Variants in TDP1 observed in about 807,000 individuals in gnomAD.
The protein encoded by TDP1 is tyr-DNA phosphodiesterase 1.
Under a neutral mutation model 81.5 loss-of-function variants are expected in TDP1, and 64 were observed. The ratio of observed to expected loss-of-function variants is 0.79; its 90% CI spans 0.64 to 0.97. The LOEUF is 0.97. TDP1 is among the 50% of genes least tolerant of loss of function. The probability of loss-of-function intolerance (pLI) is 0.00; values close to 1 mark genes in which losing one functional copy is unlikely to be tolerated. For missense variants in TDP1, 723 were observed against 743.8 expected, an observed-to-expected ratio of 0.97 and a Z score of 0.33; for synonymous variants, 256 against 264.3, an observed-to-expected ratio of 0.97 and a Z score of 0.30.
Position 89,966,171 on chromosome 14 carries a change from C to T in TDP1, c.584C>T (p.Thr195Met), listed in dbSNP as rs760365706. 12 of 1,606,326 alleles carry T rather than the reference C, an allele frequency of 7.5e-6. No homozygotes were observed. The highest frequency in any genetic ancestry group is 2.2e-5 in the South Asian group (2 of 90,936). The change falls in exon 4 of 17, where the codon ACG (threonine) becomes ATG (methionine). Residue 195 changes from threonine to methionine, a missense_variant. Transcript: ENST00000335725. ...IKDILSPLFG[T>M]LVSSAQFNYC... ...GATATTTTATCTCCTTTATTTGGGA[C>T]GCTTGTTTCTTCAGCTCAGGTGAGT... is the stretch of plus-strand genomic sequence containing the variant.
intron 14 of TDP1, among the ~76,000 whole-genome samples, chr14:89,999,936 T>C (rs1897044193): frequency 6.6e-6 from 1 of 152,210 alleles, no homozygotes; most frequent in Admixed American, 6.5e-5. Flanking sequence ...AATACAAATT[T>C]ACTATCTCAT....
At chr14:90,003,377 C>T (rs918951321) in intron 14 of TDP1, among the ~76,000 whole-genome samples, 1 of 152,136 alleles carries the variant, frequency 6.6e-6, no homozygotes, top group East Asian at 1.9e-4. Flanking sequence ...TGGCGATTTC[C>T]TCTTTTGATT....
intron 7 of TDP1, among the ~76,000 whole-genome samples, chr14:89,976,251 A>G (rs35853694): frequency 0.095 from 14,411 of 151,414 alleles, 1,755 homozygotes; most frequent in African/African-American, 0.28. Context: ...GACTACAGGC[A>G]CACGCCACCA....
In TDP1 at chr14:89,989,225, G is replaced by T. The variant is rs921729216; in HGVS notation, c.1317+135G>T. ...TTTTTTTTTGGCGTGGCGGGGGCGGGGTGCGGAAAGAGCAGTACATTAGCA... is the reference window on the plus strand; with the variant it reads ...TTTTTTTTTGGCGTGGCGGGGGCGGTGTGCGGAAAGAGCAGTACATTAGCA... On this transcript the variant is annotated intron_variant, in intron 11 of 16. Transcript: ENST00000335725. 7.9e-6 allele frequency: 11 copies of T among 1,398,978 alleles called. No homozygotes were observed. The African/African-American group carries it at 1.2e-4, about 15-fold the overall frequency. 86.7% of individuals were successfully genotyped at this position (1,398,978 alleles called of 1,614,324 possible). A position where few individuals can be genotyped will look rare whatever the true frequency, so the allele number is the denominator to read the frequency against.
rs542005271 is a variant in TDP1 at position 90,028,301 on chromosome 14, C to A, written c.1645-4805C>A. Among the ~76,000 whole-genome samples, 29 of 152,314 alleles carry A rather than the reference C, an allele frequency of 1.9e-4. No individual in the cohort carries two copies. In the South Asian group the frequency reaches 5.6e-3, roughly 29 times the overall value. On this transcript the variant is annotated intron_variant, in intron 15 of 16. Transcript: ENST00000335725. ...TGTTTTATCCAGGAAAGCCTGATGC[C>A]TTGTGTAGGGTTTTACCACTTGAGG...
chr14:90,023,494 T>G (rs1886323122), intron 15 of TDP1, among the ~76,000 whole-genome samples: 1 of 152,154 alleles, frequency 6.6e-6, no homozygotes, highest in African/African-American at 2.4e-5. Context: ...CTTAGGCCAG[T>G]TTTCAGAGAA....
intron 7 of TDP1, among the ~76,000 whole-genome samples, chr14:89,978,673 T>C (rs547797033): frequency 2.6e-5 from 4 of 152,364 alleles, no homozygotes; most frequent in African/African-American, 9.6e-5. Context: ...TTCATTGACA[T>C]TAGTGTGTGA....
At chr14:89,991,008 A>G (rs1896118543) in intron 12 of TDP1, among the ~76,000 whole-genome samples, 1 of 152,142 alleles carries the variant, frequency 6.6e-6, no homozygotes, top group Non-Finnish European at 1.5e-5. Flanking sequence ...TGTTTACTGA[A>G]CGTTTTGTTT....
At chr14:89,958,604 A>C (rs534236546) in intron 2 of TDP1, among the ~76,000 whole-genome samples, 3 of 152,224 alleles carry the variant, frequency 2.0e-5, no homozygotes, top group Non-Finnish European at 4.4e-5. Flanking sequence ...GGGCATGACA[A>C]TGTAAAAAAC....
chr14:90,013,353 C>T (rs771879615), intron 14 of TDP1, among the ~76,000 whole-genome samples: 1 of 151,802 alleles, frequency 6.6e-6, no homozygotes, highest in Non-Finnish European at 1.5e-5. Flanking sequence ...TGGGAGGGAC[C>T]TGGTGGGAGG....
chr14:89,978,207 G>C (rs1312894748), intron 7 of TDP1, among the ~76,000 whole-genome samples: 1 of 152,222 alleles, frequency 6.6e-6, no homozygotes, highest in Non-Finnish European at 1.5e-5. Flanking sequence ...CACCAGCCCT[G>C]TGAAACCATG....
chr14:89,971,339 C>A, intron 6 of TDP1, 68 bp downstream of exon 6: 2 of 1,152,872 alleles, frequency 1.7e-6, no homozygotes, highest in South Asian at 1.2e-5. Context: ...ACATTTAGTC[C>A]ACCCTCTCAC....
At chr14:89,976,971 T>A (rs1245722511) in intron 7 of TDP1, among the ~76,000 whole-genome samples, 1 of 151,962 alleles carries the variant, frequency 6.6e-6, no homozygotes, top group Non-Finnish European at 1.5e-5. Context: ...CTGGCCAACA[T>A]GGTGAAACCC....
chr14:89,979,780 T>C (rs540714325), intron 7 of TDP1, among the ~76,000 whole-genome samples: 1 of 152,304 alleles, frequency 6.6e-6, no homozygotes, highest in South Asian at 2.1e-4. Context: ...GGAAAGCTTT[T>C]ATCTATATCC....
rs886873955 is a variant in TDP1 at position 89,955,958 on chromosome 14, C to G, written c.-243C>G. 2 of 152,450 alleles carry G rather than the reference C, an allele frequency of 1.3e-5. No homozygotes were observed. The highest frequency in any genetic ancestry group is 4.8e-5 in the African/African-American group (2 of 41,460). The allele number at this position is 152,450 out of a possible 1,614,324, so 9.4% of individuals were successfully genotyped here. A position where few individuals can be genotyped will look rare whatever the true frequency, so the allele number is the denominator to read the frequency against. On this transcript the variant is annotated 5_prime_UTR_variant, in exon 1 of 17. Coordinates refer to ENST00000335725, the MANE Select transcript of TDP1 (RefSeq NM_018319.4). ...GCGGGATCCGAGGCAAGCGTTGGTT[C>G]TGTGCGCCTCAGGTACGTGTTGGGC...
At chr14:89,972,461 AC>A (rs1171970601) in intron 6 of TDP1, among the ~76,000 whole-genome samples, 1 of 152,142 alleles carries the variant, frequency 6.6e-6, no homozygotes, top group Non-Finnish European at 1.5e-5. Context: ...GGGGACATAG[AC>A]CCAAACCATA....
chr14:89,985,776 C>A (rs1279549334), intron 10 of TDP1, among the ~76,000 whole-genome samples: 1 of 152,134 alleles, frequency 6.6e-6, no homozygotes, highest in Non-Finnish European at 1.5e-5. Flanking sequence ...CGCCTGTAAT[C>A]CCAGCATTTT....
At chr14:89,998,372 T>TTATATATATA (rs58264054) in intron 14 of TDP1, among the ~76,000 whole-genome samples, 33 of 53,078 alleles carry the variant, frequency 6.2e-4, no homozygotes, top group Non-Finnish European at 8.0e-4. Flanking sequence ...TCCAAGCACA[T>TTATATATATA]TATATATATA....
chr14:89,974,215 G>A (rs1162533068), intron 6 of TDP1, among the ~76,000 whole-genome samples: 1 of 152,132 alleles, frequency 6.6e-6, no homozygotes, highest in Non-Finnish European at 1.5e-5. Flanking sequence ...AGGACTTGGT[G>A]CACTAGCCCA....
Sources: allele counts gnomAD v4.1 joint callset (sites outside exome capture counted in the v4.1 genomes callset), GRCh38; gene constraint gnomAD v4.1.1; transcripts MANE v1.5; gene names NCBI Gene and HGNC (gene_info 2026-07-23, HGNC 2026-07-21).